SLIT1: variants seen among roughly 807,000 people sequenced by gnomAD.
The protein encoded by SLIT1 is slit guidance ligand 1.
A neutral mutation model predicts 186.1 loss-of-function variants in SLIT1; 66 were observed. That is an observed-to-expected ratio of 0.35 (90% CI 0.29 to 0.44). SLIT1 has a LOEUF of 0.44. Among genes scored for constraint, SLIT1 ranks in the 20% least tolerant of loss-of-function variants. SLIT1 has a pLI of 1.00. For synonymous variants in SLIT1, 761 were observed against 833.8 expected (o/e 0.91, Z 1.50); for missense variants, 1,638 against 2,037.4 (o/e 0.80, Z 3.77).
intron 4 of SLIT1, among the ~76,000 whole-genome samples, chr10:97,104,108 G>A (rs879735341): frequency 2.6e-5 from 4 of 152,002 alleles, no homozygotes; most frequent in Non-Finnish European, 5.9e-5. Context: ...GCAGGTGAGG[G>A]GTAAAAGCAC....
At chr10:97,062,661 G>T (rs1195900068) in intron 8 of SLIT1, among the ~76,000 whole-genome samples, 2 of 152,208 alleles carry the variant, frequency 1.3e-5, no homozygotes, top group African/African-American at 2.4e-5. Flanking sequence ...CAGGGCTGGG[G>T]GCACCTGCAC....
At chr10:97,031,368 C>T (rs72819886) in intron 24 of SLIT1, among the ~76,000 whole-genome samples, 1 of 152,158 alleles carries the variant, frequency 6.6e-6, no homozygotes, top group Non-Finnish European at 1.5e-5. Flanking sequence ...ATGTCCCGCC[C>T]CTACCACCAC....
intron 4 of SLIT1, among the ~76,000 whole-genome samples, chr10:97,105,150 TA>T (rs1329013733): frequency 6.6e-6 from 1 of 152,176 alleles, no homozygotes; most frequent in Non-Finnish European, 1.5e-5. Context: ...CCAGGATAAT[TA>T]TAAATAGAAA....
At chr10:97,158,224 C>T (rs545362632) in intron 3 of SLIT1, among the ~76,000 whole-genome samples, 52 of 152,338 alleles carry the variant, frequency 3.4e-4, no homozygotes, top group African/African-American at 1.2e-3. Flanking sequence ...GATTCCAATG[C>T]TGTTTCCCTT....
At chr10:97,039,048 C>T (rs969283162) in intron 21 of SLIT1, among the ~76,000 whole-genome samples, 7 of 152,118 alleles carry the variant, frequency 4.6e-5, no homozygotes, top group African/African-American at 7.2e-5. Context: ...AGGGTGAAGA[C>T]GGGGCAGGCC....
intron 4 of SLIT1, among the ~76,000 whole-genome samples, chr10:97,106,679 C>T (rs1849418804): frequency 6.6e-6 from 1 of 151,044 alleles, no homozygotes; most frequent in Admixed American, 6.6e-5. Context: ...AGGTCATTCA[C>T]ACATGGTGGA....
chr10:97,064,528 G>A (rs898712400), intron 6 of SLIT1, among the ~76,000 whole-genome samples: 10 of 152,200 alleles, frequency 6.6e-5, no homozygotes, highest in African/African-American at 2.4e-4. Flanking sequence ...TGGCTTGGAA[G>A]AAAGGTGGGG....
In SLIT1 at chr10:97,004,875, C is replaced by T. The variant is rs1848346632; in HGVS notation, c.3580-52G>A. On this transcript the variant is annotated intron_variant, in intron 32 of 36. Coordinates refer to ENST00000266058, the MANE Select transcript of SLIT1 (RefSeq NM_003061.3). The surrounding 1 kb of genome is among the most constrained non-coding windows in gnomAD (Gnocchi z 5.1). ...CACCCCACCCCATGCAGCAGCGGCACAGGCTAGCAGATGGGGCAGAGAGGG... is the reference window on the plus strand; with the variant it reads ...CACCCCACCCCATGCAGCAGCGGCATAGGCTAGCAGATGGGGCAGAGAGGG... 6.8e-6 allele frequency: 11 copies of T among 1,610,546 alleles called. No individual in the cohort carries two copies. The highest frequency in any genetic ancestry group is 9.3e-6 in the Non-Finnish European group (11 of 1,177,412).
At chr10:97,151,417 G>A (rs1849878268) in intron 4 of SLIT1, among the ~76,000 whole-genome samples, 1 of 151,852 alleles carries the variant, frequency 6.6e-6, no homozygotes. Context: ...GTGAGTGGGT[G>A]GGGAGTGCTG....
rs781124345 is a variant in SLIT1, at chr10:97,040,065, G to A, written c.2220C>T (p.Cys740=). ...TGCTGCATCGGACCACGGTGTCCAG[G>A]CAGGCGCACTCCTGTGGGCACTGTG... The part of the protein sequence containing the change: ...PRPQCPQECA[C]LDTVVRCSNK... Residue 740 remains cysteine (C), a synonymous_variant, in exon 21 of 37, where the codon TGC becomes TGT. Coordinates refer to ENST00000266058, the MANE Select transcript of SLIT1 (RefSeq NM_003061.3). 127 of 1,610,868 alleles carry A rather than the reference G, an allele frequency of 7.9e-5. No homozygotes were observed. Among genetic ancestry groups the A allele is most frequent in the Non-Finnish European group, 9.2e-5 (109 of 1,178,608 alleles).
intron 4 of SLIT1, among the ~76,000 whole-genome samples, chr10:97,107,202 A>AG (rs1251581383): frequency 6.6e-6 from 1 of 152,244 alleles, no homozygotes; most frequent in Non-Finnish European, 1.5e-5. Context: ...CCCCAGCTGC[A>AG]GGGGCCTCCT....
chr10:97,169,857 T>A (rs1282426232), intron 1 of SLIT1, among the ~76,000 whole-genome samples: 1 of 152,226 alleles, frequency 6.6e-6, no homozygotes, highest in East Asian at 1.9e-4. Context: ...GAGGCACGGA[T>A]GCATGAAGCA....
chr10:97,126,303 G>A (rs1316028784), intron 4 of SLIT1, among the ~76,000 whole-genome samples: 3 of 152,210 alleles, frequency 2.0e-5, no homozygotes, highest in Non-Finnish European at 2.9e-5. Flanking sequence ...GGACATGGGT[G>A]TCTCTTAGAG....
chr10:97,175,468 A>G, intron 1 of SLIT1, among the ~76,000 whole-genome samples: 1 of 152,174 alleles, frequency 6.6e-6, no homozygotes, highest in East Asian at 1.9e-4. Flanking sequence ...AGGAACCGCC[A>G]TACTGTTTTC....
intron 4 of SLIT1, among the ~76,000 whole-genome samples, chr10:97,128,491 A>C (rs557156996): frequency 2.0e-5 from 3 of 152,210 alleles, no homozygotes; most frequent in African/African-American, 7.2e-5. Flanking sequence ...ACTCCCACAA[A>C]GTTAACTTCC....
chr10:97,089,511 A>G (rs990567409), intron 4 of SLIT1, among the ~76,000 whole-genome samples: 2 of 152,100 alleles, frequency 1.3e-5, no homozygotes, highest in African/African-American at 4.8e-5. Context: ...GAGGTGTCAG[A>G]CTCTGAAGAT....
chr10:97,081,161 A>G (rs1188419073), intron 4 of SLIT1, among the ~76,000 whole-genome samples: 1 of 152,206 alleles, frequency 6.6e-6, no homozygotes, highest in Non-Finnish European at 1.5e-5. Context: ...TGGGAAAGGC[A>G]GGATTTAATG....
At chr10:97,074,554 G>C (rs1849028403) in intron 4 of SLIT1, among the ~76,000 whole-genome samples, 1 of 152,166 alleles carries the variant, frequency 6.6e-6, no homozygotes, top group Non-Finnish European at 1.5e-5. Flanking sequence ...CATCCTTCAG[G>C]ATATTAACAA....
intron 18 of SLIT1, among the ~76,000 whole-genome samples, chr10:97,044,575 T>C (rs1399375950): frequency 6.6e-6 from 1 of 152,164 alleles, no homozygotes; most frequent in Non-Finnish European, 1.5e-5. Context: ...TTATGCAATA[T>C]TGATTTTTTG....
Sources: allele counts gnomAD v4.1 joint callset (sites outside exome capture counted in the v4.1 genomes callset), GRCh38; gene constraint gnomAD v4.1.1; non-coding constraint Gnocchi (gnomAD v3.1); transcripts MANE v1.5; gene names NCBI Gene and HGNC (gene_info 2026-07-23, HGNC 2026-07-21).